Variants in KDM2B observed in about 807,000 individuals in gnomAD.
The protein encoded by KDM2B is lysine-specific demethylase 2B.
A neutral mutation model predicts 150.0 loss-of-function variants in KDM2B; 26 were observed. That is an observed-to-expected ratio of 0.17 (90% CI 0.13 to 0.24). The LOEUF (loss-of-function observed/expected upper bound fraction) is 0.24, where lower values mean the gene tolerates loss of function less well. Among genes scored for constraint, KDM2B ranks in the 10% least tolerant of loss-of-function variants. The pLI is 1.00. For synonymous variants in KDM2B, 734 were observed against 729.5 expected, an observed-to-expected ratio of 1.01 and a Z score of -0.10; for missense variants, 1,265 against 1,816.9, an observed-to-expected ratio of 0.70 and a Z score of 5.52.
chr12:121,420,001 T>C, the KDM2B span: 1 of 403,896 alleles, frequency 2.5e-6, no homozygotes, highest in Non-Finnish European at 4.6e-6. Context: ...AATACTCTGG[T>C]TAGATTTTAT....
chr12:121,478,361 CTTTT>C (rs34310054), intron 12 of KDM2B, among the ~76,000 whole-genome samples: 2 of 137,036 alleles, frequency 1.5e-5, no homozygotes, highest in Non-Finnish European at 3.1e-5. Context: ...CAAGTAGATC[CTTTT>C]TTTTTTTTTT....
At chr12:121,570,144 G>A (rs1176477905) in intron 4 of KDM2B, among the ~76,000 whole-genome samples, 1 of 152,054 alleles carries the variant, frequency 6.6e-6, no homozygotes, top group African/African-American at 2.4e-5. Flanking sequence ...CTGCCTCCAG[G>A]GTTCAGGCAA....
upstream of KDM2B, among the ~76,000 whole-genome samples, chr12:121,581,560 C>T (rs1367095465): frequency 6.6e-6 from 1 of 152,212 alleles, no homozygotes; most frequent in East Asian, 1.9e-4. Flanking sequence ...AGCTGTGGCG[C>T]CCTGCTAGGC....
intron 11 of KDM2B, among the ~76,000 whole-genome samples, chr12:121,505,874 A>G (rs1885022555): frequency 6.6e-6 from 1 of 152,178 alleles, no homozygotes; most frequent in Admixed American, 6.5e-5. Context: ...TTCTTGGCCA[A>G]AGCAAAAGAA....
intron 12 of KDM2B, among the ~76,000 whole-genome samples, chr12:121,489,266 T>TTTTATTTA (rs1377555636): frequency 4.6e-5 from 7 of 151,330 alleles, no homozygotes; most frequent in African/African-American, 1.7e-4. Context: ...ATTTTATTTA[T>TTTTATTTA]TTTATTTATT....
At chr12:121,473,870 A>G (rs1452181409) in intron 12 of KDM2B, among the ~76,000 whole-genome samples, 1 of 152,236 alleles carries the variant, frequency 6.6e-6, no homozygotes, top group Non-Finnish European at 1.5e-5. Flanking sequence ...AACACGGTCT[A>G]TCCCTACGAT....
At chr12:121,499,876 G>A (rs144880974) in intron 11 of KDM2B, among the ~76,000 whole-genome samples, 1,790 of 152,068 alleles carry the variant, frequency 0.012, 28 homozygotes, top group African/African-American at 0.041. Context: ...CTTGAACCCG[G>A]AGGCAGAGGT....
chr12:121,553,682 A>C (rs142886823), intron 4 of KDM2B, among the ~76,000 whole-genome samples: 4 of 152,158 alleles, frequency 2.6e-5, no homozygotes, highest in South Asian at 2.1e-4. Flanking sequence ...TTTCATCTGT[A>C]ACTAGAGGTG....
chr12:121,524,413 T>A (rs782081008), intron 8 of KDM2B, among the ~76,000 whole-genome samples: 2 of 151,998 alleles, frequency 1.3e-5, no homozygotes, highest in Non-Finnish European at 2.9e-5. Context: ...CCCTGACACG[T>A]GAGGAAAGAG....
At chr12:121,428,842 C>T (rs1872649922), downstream of KDM2B, among the ~76,000 whole-genome samples, 1 of 152,224 alleles carries the variant, frequency 6.6e-6, no homozygotes, top group Admixed American at 6.5e-5. Flanking sequence ...CCACTGTCTC[C>T]CAAATCTGGC....
the KDM2B span, chr12:121,420,432 T>C: frequency 6.4e-7 from 1 of 1,552,260 alleles, no homozygotes; most frequent in Non-Finnish European, 8.7e-7. Context: ...AGGATGTTTC[T>C]TCTGGTTTGA....
In KDM2B at chr12:121,575,978, A is replaced by T. The variant is rs1387045260; in HGVS notation, c.272-119T>A. On this transcript the variant is annotated intron_variant, in intron 2 of 22. Transcript: ENST00000377071. The surrounding 1 kb of genome is among the most constrained non-coding windows in gnomAD (Gnocchi z 4.4). Reference sequence around the variant, plus strand: ...AAGGGGCAGGGGGTCCAGGAGATGCAGGCACCAGCTGTACAGCAAAAGCTC... The same window carrying T: ...AAGGGGCAGGGGGTCCAGGAGATGCTGGCACCAGCTGTACAGCAAAAGCTC... 1 of 731,492 alleles carries T rather than the reference A, an allele frequency of 1.4e-6. No individual in the cohort carries two copies. The highest frequency in any genetic ancestry group is 1.7e-5 in the African/African-American group (1 of 57,786). The allele number at this position is 731,492 out of a possible 1,614,324, so 45.3% of individuals were successfully genotyped here.
chr12:121,559,332 C>T (rs1890153810), intron 4 of KDM2B, among the ~76,000 whole-genome samples: 1 of 148,114 alleles, frequency 6.8e-6, no homozygotes, highest in South Asian at 2.1e-4. Flanking sequence ...GCTGGACTTC[C>T]AGGTCTATGG....
chr12:121,467,145 C>A lies in KDM2B; in HGVS notation c.1735-13801G>T. The A allele has an allele frequency of 1.8e-6, 2 of 1,124,118 alleles. No individual in the cohort carries two copies. The highest frequency in any genetic ancestry group is 2.2e-6 in the Non-Finnish European group (2 of 900,048). The allele number at this position is 1,124,118 out of a possible 1,614,324, so 69.6% of individuals were successfully genotyped here. On this transcript the variant is annotated intron_variant, in intron 12 of 22. Coordinates refer to ENST00000377071, the MANE Select transcript of KDM2B (RefSeq NM_032590.5). This position sits in a 1 kb window ranked among gnomAD's most constrained non-coding sequence, Gnocchi z 5.1. ...GGCGGGTCCCTCCCTCAGCCCCACC[C>A]CGGGCCGCCGACCTGGTCCGGCTCC...
chr12:121,417,780 A>G, the KDM2B span: 1 of 1,614,202 alleles, frequency 6.2e-7, no homozygotes, highest in Non-Finnish European at 8.5e-7. The surrounding 1 kb of genome is among the most constrained non-coding windows in gnomAD (Gnocchi z 5.0). Context: ...GAATTCTTCA[A>G]GGTCCCAGAC....
chr12:121,454,100 C>G (rs975702574), intron 12 of KDM2B, among the ~76,000 whole-genome samples: 1 of 151,858 alleles, frequency 6.6e-6, no homozygotes, highest in East Asian at 1.9e-4. Context: ...TCTGGAAGCC[C>G]CTACTGCCCA....
At chr12:121,550,980 G>A (rs1889442724) in intron 4 of KDM2B, among the ~76,000 whole-genome samples, 1 of 152,158 alleles carries the variant, frequency 6.6e-6, no homozygotes, top group African/African-American at 2.4e-5. Context: ...ATATTGTATA[G>A]GGCTGGCTCC....
At chr12:121,435,002 G>C (rs1365757671) in intron 22 of KDM2B, among the ~76,000 whole-genome samples, 1 of 140,478 alleles carries the variant, frequency 7.1e-6, no homozygotes, top group African/African-American at 2.6e-5. Flanking sequence ...ACTTTGCAAA[G>C]ATTGATATGA....
chr12:121,412,086 G>T, the KDM2B span, among the ~76,000 whole-genome samples: 1 of 151,970 alleles, frequency 6.6e-6, no homozygotes, highest in Admixed American at 6.6e-5. Context: ...TTTTGAGATG[G>T]AGTCTCGCTC....
Sources: gnomAD v4.1 joint callset for allele counts (sites outside exome capture counted in the v4.1 genomes callset) on GRCh38, gnomAD v4.1.1 for gene constraint, Gnocchi (gnomAD v3.1) non-coding constraint, MANE v1.5 for transcripts, NCBI Gene and HGNC (gene_info 2026-07-23, HGNC 2026-07-21) for gene names.